Variants in PPM1H observed in about 807,000 individuals in gnomAD.
PPM1H encodes the protein protein phosphatase, Mg2+/Mn2+ dependent 1H, also known as protein phosphatase 1H.
Under a neutral mutation model 54.9 loss-of-function variants are expected in PPM1H, and 27 were observed. That is an observed-to-expected ratio of 0.49 (90% CI 0.36 to 0.68). The LOEUF (loss-of-function observed/expected upper bound fraction) is 0.68. Among genes scored for constraint, PPM1H ranks in the 30% least tolerant of loss-of-function variants. The pLI, the probability that PPM1H is intolerant of heterozygous loss-of-function variation, is 0.00. For missense variants in PPM1H, 596 were observed against 667.8 expected, an observed-to-expected ratio of 0.89 and a Z score of 1.19; for synonymous variants, 305 against 270.8, an observed-to-expected ratio of 1.13 and a Z score of -1.24.
intron 1 of PPM1H, among the ~76,000 whole-genome samples, chr12:62,838,673 G>A (rs893542585): frequency 2.1e-5 from 3 of 143,782 alleles, no homozygotes; most frequent in Non-Finnish European, 4.5e-5. Context: ...TGTAATCCCA[G>A]CACTTTGGGA....
intron 5 of PPM1H, among the ~76,000 whole-genome samples, chr12:62,729,795 C>T (rs924579979): frequency 1.2e-4 from 19 of 152,296 alleles, no homozygotes; most frequent in African/African-American, 4.1e-4. Flanking sequence ...GCTCATTCTC[C>T]GTGCTGTATG....
intron 7 of PPM1H, among the ~76,000 whole-genome samples, chr12:62,690,802 T>C (rs1319633542): frequency 6.6e-6 from 1 of 152,066 alleles, no homozygotes; most frequent in Non-Finnish European, 1.5e-5. Context: ...TGAAACCCCA[T>C]CTCTACGAAA....
rs1391692 is a variant in PPM1H at position 62,646,492 on chromosome 12, T to C, written c.*1997A>G. The C allele has an allele frequency of 0.78, 118,928 of 152,212 alleles. 47,049 individuals are homozygous for C. Among genetic ancestry groups the C allele is most frequent in the African/African-American group, 0.89 (36,831 of 41,524 alleles). The allele number at this position is 152,212 out of a possible 1,614,324, so 9.4% of individuals were successfully genotyped here. A position where few individuals can be genotyped will look rare whatever the true frequency, so the allele number is the denominator to read the frequency against. On this transcript the variant is annotated 3_prime_UTR_variant, in exon 10 of 10. Coordinates refer to ENST00000228705, the MANE Select transcript of PPM1H (RefSeq NM_020700.2). ...TTTCCTACTTACACATGACTCTGAG[T>C]GCCAGGGCAGAACAGGGAGTGGACC...
chr12:62,667,861 C>T (rs1400414912), intron 8 of PPM1H, among the ~76,000 whole-genome samples: 2 of 152,260 alleles, frequency 1.3e-5, no homozygotes, highest in East Asian at 3.9e-4. Context: ...CTAGGAGTAA[C>T]GAGACATTCT....
At chr12:62,758,361 G>T (rs2120600813) in intron 4 of PPM1H, among the ~76,000 whole-genome samples, 1 of 152,306 alleles carries the variant, frequency 6.6e-6, no homozygotes, top group South Asian at 2.1e-4. Context: ...ATTCATCTAT[G>T]CCTATAGCGT....
intron 2 of PPM1H, among the ~76,000 whole-genome samples, chr12:62,806,838 T>C (rs1425784190): frequency 6.6e-6 from 1 of 152,182 alleles, no homozygotes; most frequent in Non-Finnish European, 1.5e-5. Context: ...TGAGAGAACA[T>C]ACTAAGACAC....
intron 2 of PPM1H, among the ~76,000 whole-genome samples, chr12:62,803,168 G>A (rs1229246996): frequency 6.6e-6 from 1 of 152,086 alleles, no homozygotes; most frequent in Non-Finnish European, 1.5e-5. Flanking sequence ...TAGTTCTCCA[G>A]CTGATGTCAC....
chr12:62,902,278 C>T (rs1026141218), intron 1 of PPM1H, among the ~76,000 whole-genome samples: 4 of 151,674 alleles, frequency 2.6e-5, no homozygotes, highest in African/African-American at 7.3e-5. Flanking sequence ...CACTTAAACC[C>T]GGGAGGCGGA....
At chr12:62,707,308 T>C (rs562378348) in intron 6 of PPM1H, among the ~76,000 whole-genome samples, 1 of 152,184 alleles carries the variant, frequency 6.6e-6, no homozygotes, top group Non-Finnish European at 1.5e-5. Flanking sequence ...CCATCCCTTA[T>C]CAGCCACTGC....
At chr12:62,890,973 G>A (rs1870773600) in intron 1 of PPM1H, among the ~76,000 whole-genome samples, 1 of 151,836 alleles carries the variant, frequency 6.6e-6, no homozygotes, top group South Asian at 2.1e-4. Context: ...GCCGGGCGTG[G>A]TGGTGGGCGC....
chr12:62,779,210 G>A (rs981499798), intron 4 of PPM1H, among the ~76,000 whole-genome samples: 1 of 151,904 alleles, frequency 6.6e-6, no homozygotes, highest in Admixed American at 6.6e-5. Flanking sequence ...GCTAATTTTT[G>A]TAATATATAT....
chr12:62,711,620 G>GA (rs1277514753), intron 6 of PPM1H, among the ~76,000 whole-genome samples: 1 of 152,184 alleles, frequency 6.6e-6, no homozygotes, highest in Non-Finnish European at 1.5e-5. Flanking sequence ...CACAGGGGAA[G>GA]CGCCGTGTGA....
intron 1 of PPM1H, among the ~76,000 whole-genome samples, chr12:62,896,732 C>A (rs1871002074): frequency 6.6e-6 from 1 of 152,160 alleles, no homozygotes; most frequent in Non-Finnish European, 1.5e-5. Context: ...CCATTTGACC[C>A]AGCCATCCCA....
intron 8 of PPM1H, among the ~76,000 whole-genome samples, chr12:62,682,498 C>A (rs1489914163): frequency 6.6e-6 from 1 of 151,824 alleles, no homozygotes; most frequent in Non-Finnish European, 1.5e-5. Context: ...TGGGGGAATC[C>A]CAAAAAAAGT....
intron 1 of PPM1H, among the ~76,000 whole-genome samples, chr12:62,920,148 C>T (rs1444819826): frequency 2.0e-5 from 3 of 152,126 alleles, no homozygotes; most frequent in African/African-American, 4.8e-5. Context: ...GGCATCTAAT[C>T]GCACTCTTTG....
intron 1 of PPM1H, among the ~76,000 whole-genome samples, chr12:62,843,431 A>C (rs1868832239): frequency 6.6e-6 from 1 of 152,250 alleles, no homozygotes; most frequent in African/African-American, 2.4e-5. Context: ...TTTATTGGCC[A>C]AATCAATGTC....
intron 5 of PPM1H, among the ~76,000 whole-genome samples, chr12:62,732,187 C>T (rs867598222): frequency 3.3e-5 from 5 of 152,166 alleles, no homozygotes; most frequent in Non-Finnish European, 7.4e-5. Flanking sequence ...TGCCACATTC[C>T]GTGTGAACAT....
At chr12:62,895,159 G>C (rs1870938729) in intron 1 of PPM1H, among the ~76,000 whole-genome samples, 2 of 152,234 alleles carry the variant, frequency 1.3e-5, no homozygotes, top group African/African-American at 2.4e-5. Context: ...CCCCAGAGCA[G>C]TTCCACTATG....
chr12:62,664,542 A>G (rs2136609380), intron 9 of PPM1H, among the ~76,000 whole-genome samples: 1 of 152,364 alleles, frequency 6.6e-6, no homozygotes, highest in African/African-American at 2.4e-5. Context: ...AAAGAAGCAT[A>G]GCATGTGAGC....
Sources: allele counts gnomAD v4.1 joint callset (sites outside exome capture counted in the v4.1 genomes callset), GRCh38; gene constraint gnomAD v4.1.1; transcripts MANE v1.5; gene names NCBI Gene and HGNC (gene_info 2026-07-23, HGNC 2026-07-21).